Variants in OLFM1 observed in about 807,000 individuals in gnomAD.
The protein encoded by OLFM1 is noelin.
Under a neutral mutation model 49.7 loss-of-function variants are expected in OLFM1, and 9 were observed. The observed-to-expected ratio is 0.18, with a 90% CI of 0.11 to 0.32. The LOEUF is 0.32. Ranked by LOEUF, OLFM1 falls within the 10% of genes least tolerant of loss-of-function variation. The pLI, the probability that OLFM1 is intolerant of heterozygous loss-of-function variation, is 1.00. For missense variants in OLFM1, 369 were observed against 661.8 expected (o/e 0.56, Z 4.85); for synonymous variants, 240 against 271.8 (o/e 0.88, Z 1.15).
intron 1 of OLFM1, among the ~76,000 whole-genome samples, chr9:135,078,197 A>T (rs1285375587): frequency 1.3e-5 from 2 of 152,132 alleles, no homozygotes; most frequent in Non-Finnish European, 2.9e-5. Context: ...GGGCTTCAGG[A>T]TAGGGTGCTG....
intron 4 of OLFM1, among the ~76,000 whole-genome samples, chr9:135,100,933 A>G (rs1472002516): frequency 6.6e-6 from 1 of 152,030 alleles, no homozygotes; most frequent in Non-Finnish European, 1.5e-5. Context: ...TGATTGATTG[A>G]TTGATTGATT....
In OLFM1 at chr9:135,120,452, A is replaced by C. The variant is rs930802885; in HGVS notation, c.*274A>C. On this transcript the variant is annotated 3_prime_UTR_variant, in exon 6 of 6. Coordinates refer to ENST00000371793, the MANE Select transcript of OLFM1 (RefSeq NM_001282611.2). ...CCGCCCTGTCCCTCTCTGGTCAAAC[A>C]ACATACTAAAGAGGCGAGGCAATGA... 3 of 493,032 alleles carry C rather than the reference A, an allele frequency of 6.1e-6. No homozygotes were observed. In the Admixed American group the frequency reaches 1.1e-4, roughly 19 times the overall value. 30.5% of individuals were successfully genotyped at this position (493,032 alleles called of 1,614,324 possible).
intron 5 of OLFM1, among the ~76,000 whole-genome samples, chr9:135,114,150 T>TTTTG (rs1831063147): frequency 1.0e-5 from 1 of 99,124 alleles, no homozygotes; most frequent in African/African-American, 7.2e-5. Flanking sequence ...TTTTTTTTTT[T>TTTTG]GAGACAGGGT....
Position 135,090,205 on chromosome 9 carries a change from C to A in OLFM1, c.161C>A (p.Thr54Asn), listed in dbSNP as rs1298224298. 2 of 1,608,700 alleles carry A rather than the reference C, an allele frequency of 1.2e-6. No homozygotes were observed. Among genetic ancestry groups the A allele is most frequent in the Non-Finnish European group, 1.7e-6 (2 of 1,175,892 alleles). ...TLDRSTGVLP[T>N]NPEESWQVYS... ...CCCGCCCCTCTCCAGGTGCTGCCCACCAACCCTGAGGAGAGCTGGCAGGTG... is the reference window on the plus strand; with the variant it reads ...CCCGCCCCTCTCCAGGTGCTGCCCAACAACCCTGAGGAGAGCTGGCAGGTG... The change falls in exon 2 of 6, where the codon ACC becomes AAC. Residue 54 changes from threonine (T) to asparagine (N), a missense_variant. Thr to Asn is a moderately conservative substitution (Grantham distance 65). Around this residue, in one of 3 missense-constraint regions of OLFM1, gnomAD observed 55 missense variants for 53.3 expected, o/e 1.03. Coordinates refer to ENST00000371793, the MANE Select transcript of OLFM1 (RefSeq NM_001282611.2).
intron 5 of OLFM1, among the ~76,000 whole-genome samples, chr9:135,109,509 G>A (rs1237315917): frequency 1.3e-5 from 2 of 152,146 alleles, no homozygotes; most frequent in East Asian, 3.9e-4. Context: ...GGGGCTGGCA[G>A]AGGAGCCACC....
chr9:135,077,617 A>T (rs1830484788), intron 1 of OLFM1, among the ~76,000 whole-genome samples: 1 of 152,128 alleles, frequency 6.6e-6, no homozygotes, highest in South Asian at 2.1e-4. Context: ...CCGCCAGCCC[A>T]CAGCCTCCGC....
upstream of OLFM1, chr9:135,087,160 C>T (rs893990999): frequency 9.3e-6 from 12 of 1,292,166 alleles, no homozygotes; most frequent in African/African-American, 1.7e-4. Flanking sequence ...GATGCCCCGA[C>T]GCCCCCCTGG....
chr9:135,095,726 T>C, intron 2 of OLFM1, 138 bp from the exon 3 acceptor site: 1 of 857,842 alleles, frequency 1.2e-6, no homozygotes, highest in South Asian at 1.7e-5. Flanking sequence ...GGCGATTACC[T>C]TGTAAATAAT....
Position 135,090,249 on chromosome 9 carries a change from A to G in OLFM1, c.205A>G (p.Ser69Gly), listed in dbSNP as rs748511296. ...GCAGGTGTACAGCTCTGCCCAGGAC[A>G]GCGAGGGCAGGTGTATCTGCACAGT... is the stretch of plus-strand genomic sequence containing the variant. ...SWQVYSSAQD[S>G]EGRCICTVVA... The change falls in exon 2 of 6, where the codon AGC (serine) becomes GGC (glycine). Residue 69 changes from serine (S) to glycine (G), a missense_variant. Coordinates refer to ENST00000371793, the MANE Select transcript of OLFM1 (RefSeq NM_001282611.2). The G allele has an allele frequency of 6.2e-7, 1 of 1,614,024 alleles. No homozygotes were observed. Among genetic ancestry groups the G allele is most frequent in the East Asian group, 2.2e-5 (1 of 44,874 alleles).
In OLFM1 at chr9:135,088,786, C is replaced by T. The variant is rs1323380947; in HGVS notation, c.150+647C>T. Among the ~76,000 whole-genome samples, 1 of 152,170 alleles carries T rather than the reference C, an allele frequency of 6.6e-6. No individual in the cohort carries two copies. The highest frequency in any genetic ancestry group is 6.5e-5 in the Admixed American group (1 of 15,290). ...TTGGGTGGGGCCCCTGGGAGCCTGC[C>T]CTTGGGCGCTCACCCCCTCGCCTTT... is the stretch of plus-strand genomic sequence containing the variant. On this transcript the variant is annotated intron_variant, in intron 1 of 5. Transcript: ENST00000371793. The surrounding 1 kb of genome is among the most constrained non-coding windows in gnomAD (Gnocchi z 4.8).
intron 2 of OLFM1, among the ~76,000 whole-genome samples, chr9:135,092,907 G>T (rs1188834754): frequency 6.6e-6 from 1 of 152,162 alleles, no homozygotes; most frequent in Non-Finnish European, 1.5e-5. Context: ...AGCTTCCCCC[G>T]CACACCCTGG....
chr9:135,099,016 C>G (rs1830836373), intron 4 of OLFM1, among the ~76,000 whole-genome samples: 1 of 152,228 alleles, frequency 6.6e-6, no homozygotes, highest in African/African-American at 2.4e-5. Context: ...GGAGGAGCCT[C>G]TGAGCAAATG....
intron 1 of OLFM1, among the ~76,000 whole-genome samples, chr9:135,079,230 G>A (rs1225459441): frequency 6.6e-6 from 1 of 152,170 alleles, no homozygotes; most frequent in East Asian, 1.9e-4. Flanking sequence ...TGGGGAGTGA[G>A]TTCTGTTTTG....
chr9:135,075,978 G>A (rs1198541371), intron 1 of OLFM1: 2 of 1,426,052 alleles, frequency 1.4e-6, no homozygotes, highest in Non-Finnish European at 1.8e-6. Context: ...TGGGTGGGAG[G>A]GAGGGGTGCA....
At chr9:135,106,495 G>C in intron 4 of OLFM1, 1 of 482,842 alleles carries the variant, frequency 2.1e-6, no homozygotes, top group Non-Finnish European at 3.7e-6. Flanking sequence ...CTGGGAGGGC[G>C]GCCGTCTGCC....
chr9:135,100,100 G>T (rs1385913252), intron 4 of OLFM1, among the ~76,000 whole-genome samples: 1 of 152,150 alleles, frequency 6.6e-6, no homozygotes, highest in Non-Finnish European at 1.5e-5. Flanking sequence ...TCTTTTTGTT[G>T]TTGTTATGTA....
intron 3 of OLFM1, among the ~76,000 whole-genome samples, chr9:135,097,091 T>C (rs1373348898): frequency 6.6e-6 from 1 of 152,216 alleles, no homozygotes; most frequent in Non-Finnish European, 1.5e-5. Flanking sequence ...GACTAGAAAC[T>C]GCTGGTGTAC....
At chr9:135,076,318 C>G (rs970771112) in intron 1 of OLFM1, 15 of 1,549,744 alleles carry the variant, frequency 9.7e-6, no homozygotes, top group East Asian at 4.9e-5. Flanking sequence ...GGGCAGCCAG[C>G]GTGCCGGCCA....
chr9:135,087,350 G>C, upstream of OLFM1: 1 of 1,544,264 alleles, frequency 6.5e-7, no homozygotes, highest in Non-Finnish European at 8.7e-7. Flanking sequence ...TGCGGGGATC[G>C]GAGAGGGATG....
Sources: allele counts gnomAD v4.1 joint callset (sites outside exome capture counted in the v4.1 genomes callset), GRCh38; gene constraint gnomAD v4.1.1; regional missense constraint gnomAD v4.1.1; non-coding constraint Gnocchi (gnomAD v3.1); transcripts MANE v1.5; gene names NCBI Gene and HGNC (gene_info 2026-07-23, HGNC 2026-07-21).